The following BCL7B variants were observed in gnomAD, a reference collection of about 807,000 sequenced individuals.
BCL7B encodes BAF chromatin remodeling complex subunit BCL7B.
BCL7B carries 11 observed loss-of-function variants against 26.5 expected under a neutral mutation model. The observed-to-expected ratio is 0.42, with a 90% CI of 0.26 to 0.69. The LOEUF (loss-of-function observed/expected upper bound fraction) is 0.69. Among genes scored for constraint, BCL7B ranks in the 30% least tolerant of loss-of-function variants. The pLI is 0.28. For synonymous variants in BCL7B, 111 were observed against 107.9 expected (o/e 1.03, Z -0.18); for missense variants, 215 against 264.4 (o/e 0.81, Z 1.30).
At chr7:73,548,167 C>T (rs573552669) in intron 2 of BCL7B, among the ~76,000 whole-genome samples, 52 of 152,062 alleles carry the variant, frequency 3.4e-4, no homozygotes, top group African/African-American at 1.1e-3. Context: ...CAGTGGCTCA[C>T]GCCTGTAATC....
chr7:73,543,017 A>C (rs1554583070), intron 3 of BCL7B: 1 of 310,078 alleles, frequency 3.2e-6, no homozygotes, highest in African/African-American at 2.2e-5. Context: ...GTAACTTTAG[A>C]CACGTAACTT....
At chr7:73,546,925 G>C (rs1042150877) in intron 2 of BCL7B, among the ~76,000 whole-genome samples, 1 of 152,154 alleles carries the variant, frequency 6.6e-6, no homozygotes, top group Non-Finnish European at 1.5e-5. Flanking sequence ...AGCACTTTGG[G>C]AGGCCAAGGC....
At chr7:73,545,300 C>T (rs917324616) in intron 2 of BCL7B, among the ~76,000 whole-genome samples, 9 of 152,164 alleles carry the variant, frequency 5.9e-5, no homozygotes, top group Non-Finnish European at 8.8e-5. Context: ...GCAAGCTCCA[C>T]CTCCCAGGTT....
At position 73,557,565 on chromosome 7, in the gene BCL7B, G is replaced by C. The variant is rs782145666; in HGVS notation, c.14C>G (p.Ser5Trp). 1.4e-5 allele frequency: 19 copies of C among 1,359,152 alleles called. No homozygotes were observed. Among genetic ancestry groups the C allele is most frequent in the Non-Finnish European group, 1.7e-5 (18 of 1,042,842 alleles). The allele number at this position is 1,359,152 out of a possible 1,614,324, so 84.2% of individuals were successfully genotyped here. The change falls in exon 1 of 6, where the codon TCG becomes TGG. Residue 5 changes from serine (S) to tryptophan (W), a missense_variant. By Grantham distance (177) the Ser-to-Trp change is radical. Coordinates refer to ENST00000223368, the MANE Select transcript of BCL7B (RefSeq NM_001707.4). ...CCGGCTGCGGGTCTCCGCCCGGACC[G>C]ACCGGCCCGACATGGCGGCGGCGGG... Reference protein sequence around the residue: MSGRSVRAETRSRAK... With the variant: MSGRWVRAETRSRAK...
At chr7:73,551,423 C>CCT (rs1792165206) in intron 2 of BCL7B, among the ~76,000 whole-genome samples, 1 of 152,278 alleles carries the variant, frequency 6.6e-6, no homozygotes, top group Middle Eastern at 3.4e-3. Flanking sequence ...GCCTCAGCCT[C>CCT]CTGAGTAGCT....
chr7:73,539,686 CG>C (rs1415097248), intron 4 of BCL7B, 195 bp downstream of exon 4: 9 of 616,436 alleles, frequency 1.5e-5, no homozygotes, highest in Middle Eastern at 9.2e-4. Flanking sequence ...CAGCCTGGCA[CG>C]CAACTCTAAT....
intron 2 of BCL7B, among the ~76,000 whole-genome samples, chr7:73,546,765 G>A (rs1791971223): frequency 6.6e-6 from 1 of 152,142 alleles, no homozygotes; most frequent in Admixed American, 6.6e-5. Context: ...GAGGTTAATT[G>A]AAATACATAC....
intron 4 of BCL7B, 82 bp from the exon 5 acceptor site, chr7:73,538,095 G>T: frequency 1.2e-6 from 1 of 826,904 alleles, no homozygotes; most frequent in Non-Finnish European, 1.9e-6. Flanking sequence ...GCTGTGTGGA[G>T]GTGGCTTGGT....
intron 4 of BCL7B, 73 bp downstream of exon 4, chr7:73,539,809 T>C: frequency 6.4e-7 from 1 of 1,559,806 alleles, no homozygotes; most frequent in East Asian, 2.3e-5. Context: ...CCTGTTACTC[T>C]AAAGACGAGA....
In BCL7B at chr7:73,537,358, C is replaced by T. The variant is rs781825282; in HGVS notation, c.549G>A (p.Pro183=). The part of the protein sequence containing the change: ...VVEEEEDSGA[P]PLKRFCVDQP... ...GGTCCACACAGAAGCGCTTCAGGGG[C>T]GGGGCACCTGAGTCTTCCTCTTCCT... The change falls in exon 6 of 6, where the codon CCG becomes CCA. Residue 183 remains proline (P), a synonymous_variant. Coordinates refer to ENST00000223368, the MANE Select transcript of BCL7B (RefSeq NM_001707.4). 1.3e-5 allele frequency: 21 copies of T among 1,613,966 alleles called. No individual in the cohort carries two copies. The highest frequency in any genetic ancestry group is 4.0e-5 in the African/African-American group (3 of 74,912).
chr7:73,547,948 T>C (rs1483424995), intron 2 of BCL7B, among the ~76,000 whole-genome samples: 2 of 151,984 alleles, frequency 1.3e-5, no homozygotes, highest in Non-Finnish European at 2.9e-5. Context: ...TGAAACCCCG[T>C]CTCTACCAAA....
rs1584007766 is a variant in BCL7B, at chr7:73,557,682, G to T, written c.-104C>A. ...CCCGCCGCCGCCGCAGCGTCACAGCGGCCGTCGCCCCCTCCGTGCGCGCGT... is the reference window on the plus strand; with the variant it reads ...CCCGCCGCCGCCGCAGCGTCACAGCTGCCGTCGCCCCCTCCGTGCGCGCGT... On this transcript the variant is annotated 5_prime_UTR_variant, in exon 1 of 6. Transcript: ENST00000223368. 1 of 609,384 alleles carries T rather than the reference G, an allele frequency of 1.6e-6. No homozygotes were observed. Among genetic ancestry groups the T allele is most frequent in the Non-Finnish European group, 2.1e-6 (1 of 470,390 alleles). The allele number at this position is 609,384 out of a possible 1,614,324, so 37.7% of individuals were successfully genotyped here.
chr7:73,543,688 G>T, intron 2 of BCL7B, 44 bp from the exon 3 acceptor site: 1 of 1,505,416 alleles, frequency 6.6e-7, no homozygotes, highest in Non-Finnish European at 9.2e-7. Context: ...CCAAGCAGGA[G>T]ACTCACAGAG....
At chr7:73,545,192 G>A (rs889492644) in intron 2 of BCL7B, among the ~76,000 whole-genome samples, 4 of 152,032 alleles carry the variant, frequency 2.6e-5, no homozygotes, top group African/African-American at 9.7e-5. Context: ...TATTAGTAAC[G>A]TAATTTTTGT....
At chr7:73,541,816 G>C (rs944655591) in intron 3 of BCL7B, among the ~76,000 whole-genome samples, 1 of 152,176 alleles carries the variant, frequency 6.6e-6, no homozygotes, top group Non-Finnish European at 1.5e-5. Flanking sequence ...TCGCAACATA[G>C]GAAGTCCTTT....
At position 73,537,363 on chromosome 7, in the gene BCL7B, C is replaced by T; in HGVS notation, c.544G>A (p.Ala182Thr). 2 of 1,614,114 alleles carry T rather than the reference C, an allele frequency of 1.2e-6. No homozygotes were observed. The highest frequency in any genetic ancestry group is 1.7e-6 in the Non-Finnish European group (2 of 1,180,002). ...ACACAGAAGCGCTTCAGGGGCGGGG[C>T]ACCTGAGTCTTCCTCTTCCTCAACG... ...QVVEEEEDSG[A>T]PPLKRFCVDQ... is the part of the protein sequence containing the mutation. The change falls in exon 6 of 6, where the codon GCC (alanine) becomes ACC (threonine). Residue 182 changes from alanine (A) to threonine (T), a missense_variant. Coordinates refer to ENST00000223368, the MANE Select transcript of BCL7B (RefSeq NM_001707.4).
At chr7:73,550,937 G>T (rs929096404) in intron 2 of BCL7B, among the ~76,000 whole-genome samples, 3 of 152,134 alleles carry the variant, frequency 2.0e-5, no homozygotes, top group Admixed American at 6.6e-5. Flanking sequence ...GATTACAGGC[G>T]TGAGCCACCA....
chr7:73,554,985 T>A (rs1792309434), intron 1 of BCL7B, among the ~76,000 whole-genome samples: 1 of 152,220 alleles, frequency 6.6e-6, no homozygotes, highest in Non-Finnish European at 1.5e-5. Flanking sequence ...GGGAACAAGA[T>A]CCACAGTCCC....
In BCL7B at chr7:73,538,144, T is replaced by C. The variant is rs1306878136; in HGVS notation, c.437-131A>G. On this transcript the variant is annotated intron_variant, in intron 4 of 5. Transcript: ENST00000223368. ...TACTGGCCTGAGAAGCAAACATTCATTCAGGGCCCAGCTGGACCAGGTCAC... is the reference window on the plus strand; with the variant it reads ...TACTGGCCTGAGAAGCAAACATTCACTCAGGGCCCAGCTGGACCAGGTCAC... 3 of 506,896 alleles carry C rather than the reference T, an allele frequency of 5.9e-6. No individual in the cohort carries two copies. The African/African-American group carries it at 5.9e-5, about 10-fold the overall frequency. The allele number at this position is 506,896 out of a possible 1,614,324, so 31.4% of individuals were successfully genotyped here.
Sources: gnomAD v4.1 joint callset for allele counts (sites outside exome capture counted in the v4.1 genomes callset) on GRCh38, gnomAD v4.1.1 for gene constraint, MANE v1.5 for transcripts, NCBI Gene and HGNC (gene_info 2026-07-23, HGNC 2026-07-21) for gene names.